The following KCNQ5 variants were observed in gnomAD, a reference collection of about 807,000 sequenced individuals.
KCNQ5 encodes potassium voltage-gated channel subfamily KQT member 5.
A neutral mutation model predicts 98.2 loss-of-function variants in KCNQ5; 30 were observed. The observed-to-expected ratio is 0.31, with a 90% confidence interval of 0.23 to 0.41. The LOEUF (loss-of-function observed/expected upper bound fraction) is 0.41. Among genes scored for constraint, KCNQ5 ranks in the 10% least tolerant of loss-of-function variants. The probability of loss-of-function intolerance (pLI) is 1.00; values close to 1 mark genes in which losing one functional copy is unlikely to be tolerated. For synonymous variants in KCNQ5, 458 were observed against 449.4 expected (o/e 1.02, Z -0.24); for missense variants, 835 against 1,182.5 (o/e 0.71, Z 4.31).
chr6:72,993,925 G>C (rs1426525411), intron 1 of KCNQ5, among the ~76,000 whole-genome samples: 5 of 90,714 alleles, frequency 5.5e-5, no homozygotes, highest in African/African-American at 2.9e-4. Flanking sequence ...TGCCGTGTGA[G>C]GTGTCAGTGT....
chr6:73,000,941 A>G (rs1582168802), intron 1 of KCNQ5, among the ~76,000 whole-genome samples: 1 of 152,168 alleles, frequency 6.6e-6, no homozygotes, highest in East Asian at 1.9e-4. Flanking sequence ...CCAGACTCCC[A>G]ATTCAGCCAC....
intron 1 of KCNQ5, among the ~76,000 whole-genome samples, chr6:72,915,169 T>A (rs1390055453): frequency 2.0e-5 from 3 of 152,044 alleles, no homozygotes; most frequent in Middle Eastern, 3.4e-3. Context: ...AAAATAAAAA[T>A]AAAAAATGCT....
intron 3 of KCNQ5, among the ~76,000 whole-genome samples, chr6:73,057,612 T>C (rs4706526): frequency 0.94 from 142,428 of 152,236 alleles, 67,024 homozygotes; most frequent in East Asian, 0.99. Flanking sequence ...ATGATATAAA[T>C]AAAAGGAAAA....
intron 1 of KCNQ5, among the ~76,000 whole-genome samples, chr6:72,877,681 A>G (rs1778471735): frequency 6.6e-6 from 1 of 152,226 alleles, no homozygotes; most frequent in East Asian, 1.9e-4. Flanking sequence ...CACTCCCACC[A>G]ACAGTGTAAA....
At chr6:72,780,695 T>G (rs1444677056) in intron 1 of KCNQ5, among the ~76,000 whole-genome samples, 1 of 152,204 alleles carries the variant, frequency 6.6e-6, no homozygotes, top group African/African-American at 2.4e-5. Flanking sequence ...TACTGAGAAC[T>G]TTATCTGGTA....
At chr6:73,108,783 C>G (rs1350621792) in intron 6 of KCNQ5, among the ~76,000 whole-genome samples, 1 of 152,052 alleles carries the variant, frequency 6.6e-6, no homozygotes, top group African/African-American at 2.4e-5. Flanking sequence ...GCCGAGATCG[C>G]TCCACTGCAC....
At chr6:72,794,969 C>A (rs766449716) in intron 1 of KCNQ5, among the ~76,000 whole-genome samples, 1 of 152,142 alleles carries the variant, frequency 6.6e-6, no homozygotes, top group African/African-American at 2.4e-5. Context: ...TTGCTTGCTT[C>A]AGGCATAGCT....
Position 72,622,915 on chromosome 6 carries a change from C to A in KCNQ5, c.398+328C>A, listed in dbSNP as rs539638348. 3.2e-4 allele frequency among the ~76,000 whole-genome samples: 49 copies of A among 152,258 alleles called. No individual in the cohort carries two copies. Among genetic ancestry groups the A allele is most frequent in the African/African-American group, 1.2e-3 (49 of 41,552 alleles). On this transcript the variant is annotated intron_variant, in intron 1 of 13. Coordinates refer to ENST00000370398, the MANE Select transcript of KCNQ5 (RefSeq NM_019842.4). This position sits in a 1 kb window ranked among gnomAD's most constrained non-coding sequence, Gnocchi z 6.0. Reference sequence around the variant, plus strand: ...ATTAGGTCCCAAGATACGTAAACTTCAACCGAACGGGGCGCCCGGGAGCTA... The same window carrying A: ...ATTAGGTCCCAAGATACGTAAACTTAAACCGAACGGGGCGCCCGGGAGCTA...
Position 73,194,726 on chromosome 6 carries a change from C to A in KCNQ5, c.2111C>A (p.Ala704Glu). ...GAGTTCAGTGCCCAGACTTTCTACG[C>A]GCTTAGCCCTACTATGCACAGTCAA... ...PNEFSAQTFY[A>E]LSPTMHSQAT... Residue 704 changes from alanine to glutamate, a missense_variant, in exon 14 of 14, where the codon GCG (alanine) becomes GAG (glutamate). Around this residue, in one of 10 missense-constraint regions of KCNQ5, gnomAD observed 416 missense variants for 446.9 expected, o/e 0.93. Transcript: ENST00000370398. 1 of 1,614,228 alleles carries A rather than the reference C, an allele frequency of 6.2e-7. No homozygotes were observed. Among genetic ancestry groups the A allele is most frequent in the Non-Finnish European group, 8.5e-7 (1 of 1,180,034 alleles).
chr6:72,650,040 T>C (rs964076866), intron 1 of KCNQ5, among the ~76,000 whole-genome samples: 2 of 152,156 alleles, frequency 1.3e-5, no homozygotes, highest in Non-Finnish European at 2.9e-5. Flanking sequence ...TGTTTTATAA[T>C]GTTAAACTCA....
At chr6:72,856,497 T>TACACAC (rs1777540893) in intron 1 of KCNQ5, among the ~76,000 whole-genome samples, 2 of 121,308 alleles carry the variant, frequency 1.6e-5, no homozygotes, top group Non-Finnish European at 3.8e-5. Context: ...CACACACACG[T>TACACAC]GTGTGTATTT....
intron 6 of KCNQ5, among the ~76,000 whole-genome samples, chr6:73,106,740 T>C (rs575053550): frequency 1.1e-4 from 17 of 152,346 alleles, no homozygotes; most frequent in African/African-American, 3.8e-4. Flanking sequence ...CTTCAACATA[T>C]GAATTTTGGA....
chr6:72,884,608 A>C (rs953960591), intron 1 of KCNQ5, among the ~76,000 whole-genome samples: 1 of 138,198 alleles, frequency 7.2e-6, no homozygotes, highest in Non-Finnish European at 1.5e-5. Flanking sequence ...ATAAAAATTC[A>C]AAGAATAAAA....
chr6:72,822,827 G>C (rs767489798), intron 1 of KCNQ5, among the ~76,000 whole-genome samples: 1 of 152,148 alleles, frequency 6.6e-6, no homozygotes, highest in Non-Finnish European at 1.5e-5. Context: ...GGTGAATGCA[G>C]AGCTGTATTC....
chr6:73,141,932 T>G (rs1020594184), intron 10 of KCNQ5, among the ~76,000 whole-genome samples: 1 of 152,222 alleles, frequency 6.6e-6, no homozygotes, highest in Admixed American at 6.5e-5. Context: ...AGAAGCAGTT[T>G]AGCTGAATGG....
intron 1 of KCNQ5, among the ~76,000 whole-genome samples, chr6:72,687,506 C>T (rs1768014535): frequency 6.6e-6 from 1 of 152,120 alleles, no homozygotes; most frequent in Non-Finnish European, 1.5e-5. Flanking sequence ...TCGACAATGA[C>T]AATACATGTG....
At chr6:72,923,912 A>G (rs545512939) in intron 1 of KCNQ5, among the ~76,000 whole-genome samples, 11 of 152,338 alleles carry the variant, frequency 7.2e-5, no homozygotes, top group Non-Finnish European at 1.5e-4. Flanking sequence ...AGAGAACCAT[A>G]AACAGTTTTT....
At chr6:72,857,387 G>A (rs1777576910) in intron 1 of KCNQ5, among the ~76,000 whole-genome samples, 1 of 151,882 alleles carries the variant, frequency 6.6e-6, no homozygotes, top group African/African-American at 2.4e-5. Flanking sequence ...TGATTATTAA[G>A]ATCACTTTGC....
intron 1 of KCNQ5, among the ~76,000 whole-genome samples, chr6:72,695,726 G>A (rs980274799): frequency 6.6e-6 from 1 of 151,816 alleles, no homozygotes; most frequent in African/African-American, 2.4e-5. Flanking sequence ...ACTTGTTTTG[G>A]GAAGATTTAA....
Sources: gnomAD v4.1 joint callset for allele counts (sites outside exome capture counted in the v4.1 genomes callset) on GRCh38, gnomAD v4.1.1 for gene constraint, gnomAD v4.1.1 regional missense constraint, Gnocchi (gnomAD v3.1) non-coding constraint, MANE v1.5 for transcripts, NCBI Gene and HGNC (gene_info 2026-07-23, HGNC 2026-07-21) for gene names.